The following LLGL1 variants were observed in gnomAD, a reference collection of about 807,000 sequenced individuals.
The protein encoded by LLGL1 is LLGL scribble cell polarity complex component 1, also known as lethal(2) giant larvae protein homolog 1.
LLGL1 carries 58 observed loss-of-function variants against 110.6 expected under a neutral mutation model. The observed-to-expected ratio is 0.52, with a 90% confidence interval of 0.42 to 0.65. The LOEUF is 0.65. LLGL1 is among the 30% of genes least tolerant of loss of function. The probability of loss-of-function intolerance (pLI) is 0.00; values close to 1 mark genes in which losing one functional copy is unlikely to be tolerated. For missense variants in LLGL1, 1,229 were observed against 1,462.1 expected, an observed-to-expected ratio of 0.84 and a Z score of 2.60; for synonymous variants, 674 against 607.2, an observed-to-expected ratio of 1.11 and a Z score of -1.62.
At chr17:18,234,502 G>A in intron 7 of LLGL1, 94 bp downstream of exon 7, 1 of 1,579,590 alleles carries the variant, frequency 6.3e-7, no homozygotes. Context: ...TCCCCGAGGG[G>A]GTGGTCTGGG....
At position 18,227,929 on chromosome 17, in the gene LLGL1, G is replaced by T. The variant is rs1306889249; in HGVS notation, c.82-2012G>T. Among the ~76,000 whole-genome samples the T allele has an allele frequency of 5.3e-5, 8 of 152,152 alleles. No individual in the cohort carries two copies. In the East Asian group the frequency reaches 1.5e-3, roughly 29 times the overall value. On this transcript the variant is annotated intron_variant, in intron 1 of 22. Transcript: ENST00000316843. ...AGGCCCCTGATTCCTGAGCTTAGGG[G>T]GTGGGAGACAGGTCAGGAGTGAGCA... is the stretch of plus-strand genomic sequence containing the variant.
chr17:18,234,359 T>C lies in LLGL1; in HGVS notation c.801T>C (p.Asp267=), dbSNP rs374594616. The part of the protein sequence containing the change: ...SDGSYAVWSV[D]AGSFPTLQPT... ...GCAGCTATGCTGTCTGGTCTGTGGATGCCGGCAGCTTCCCAACGCTGCAGC... is the reference window on the plus strand; with the variant it reads ...GCAGCTATGCTGTCTGGTCTGTGGACGCCGGCAGCTTCCCAACGCTGCAGC... The change falls in exon 7 of 23, where the codon GAT becomes GAC. Residue 267 remains aspartate (D), a synonymous_variant. Coordinates refer to ENST00000316843, the MANE Select transcript of LLGL1 (RefSeq NM_004140.4). The C allele has an allele frequency of 2.3e-4, 374 of 1,612,056 alleles. No homozygotes were observed. Among genetic ancestry groups the C allele is most frequent in the Non-Finnish European group, 3.0e-4 (359 of 1,179,758 alleles).
At chr17:18,230,439 T>C (rs1039648854) in intron 2 of LLGL1, among the ~76,000 whole-genome samples, 8 of 152,112 alleles carry the variant, frequency 5.3e-5, no homozygotes, top group Admixed American at 2.0e-4. Context: ...TGTGTGAATG[T>C]GAAGACACAT....
At chr17:18,236,487 T>G in intron 11 of LLGL1, 120 bp from the exon 12 acceptor site, 1 of 980,930 alleles carries the variant, frequency 1.0e-6, no homozygotes, top group Non-Finnish European at 1.5e-6. Context: ...AAAAGTAGGA[T>G]TCCGGTCAGT....
At chr17:18,237,918 C>T in intron 14 of LLGL1, 145 bp downstream of exon 14, 1 of 1,272,650 alleles carries the variant, frequency 7.9e-7, no homozygotes, top group East Asian at 2.5e-5. Flanking sequence ...CCAAGAAGGA[C>T]ATTCTCAGTA....
chr17:18,229,224 G>A (rs2047516276), intron 1 of LLGL1, among the ~76,000 whole-genome samples: 2 of 152,018 alleles, frequency 1.3e-5, no homozygotes, highest in African/African-American at 4.8e-5. Flanking sequence ...GCAGGGGAGC[G>A]GGTGGGGAGC....
chr17:18,231,982 T>A (rs566945734), intron 2 of LLGL1, among the ~76,000 whole-genome samples: 1 of 152,296 alleles, frequency 6.6e-6, no homozygotes, highest in East Asian at 1.9e-4. Context: ...TACCCATGGC[T>A]GAAGTTTGGC....
Position 18,234,300 on chromosome 17 carries a change from G to C in LLGL1, c.742G>C (p.Asp248His). 1 of 1,608,138 alleles carries C rather than the reference G, an allele frequency of 6.2e-7. No individual in the cohort carries two copies. The highest frequency in any genetic ancestry group is 8.5e-7 in the Non-Finnish European group (1 of 1,177,510). ...GCTGGAGAGCCTATGCTGGGGGCGT[G>C]ATAGCAGCACTGTGGTCAGCTCACA... ...QQLESLCWGRDSSTVVSSHSD... is the reference protein window; with the variant it reads ...QQLESLCWGRHSSTVVSSHSD... The change falls in exon 7 of 23, where the codon GAT (aspartate) becomes CAT (histidine). Residue 248 changes from aspartate to histidine, a missense_variant. Transcript: ENST00000316843.
Position 18,244,745 on chromosome 17 carries a change from G to GGGGGGGGGGA in LLGL1, c.*840_*841insGGGGGGGGAG, listed in dbSNP as rs2047961474. On this transcript the variant is annotated 3_prime_UTR_variant, in exon 23 of 23. Coordinates refer to ENST00000316843, the MANE Select transcript of LLGL1 (RefSeq NM_004140.4). ...GGCGGGGGGGGGGGGCAGGGGGGGG[G>GGGGGGGGGGA]GTCAAGATGAGTTTCCCTGTAGATT... 1 of 141,904 alleles carries GGGGGGGGGGA rather than the reference G, an allele frequency of 7.0e-6. No individual in the cohort carries two copies. Among genetic ancestry groups the GGGGGGGGGGA allele is most frequent in the Admixed American group, 7.7e-5 (1 of 12,970 alleles). 8.8% of individuals were successfully genotyped at this position (141,904 alleles called of 1,614,324 possible). A position where few individuals can be genotyped will look rare whatever the true frequency, so the allele number is the denominator to read the frequency against.
At chr17:18,225,808 A>G (rs1049106399) in intron 1 of LLGL1, 45 bp downstream of exon 1, 1 of 447,402 alleles carries the variant, frequency 2.2e-6, no homozygotes, top group African/African-American at 2.3e-5. Flanking sequence ...AGGGGGCGGG[A>G]CGGGGGCCTG....
intron 20 of LLGL1, 72 bp downstream of exon 20, chr17:18,242,350 A>T (rs1400114831): frequency 6.4e-7 from 1 of 1,551,110 alleles, no homozygotes; most frequent in East Asian, 2.2e-5. Context: ...GGACTCACAT[A>T]GCTCAGGGAT....
rs1420051865 is a variant in LLGL1, at chr17:18,235,451, C to T, written c.1285-19C>T. The stretch of plus-strand genomic sequence containing the variant: ...GTTCGTCCTAACCTTGTGCATACAT[C>T]TCTGCCACCCCCTCCCAGAGCTGGC... On this transcript the variant is annotated intron_variant, in intron 10 of 22. Coordinates refer to ENST00000316843, the MANE Select transcript of LLGL1 (RefSeq NM_004140.4). The T allele has an allele frequency of 3.1e-6, 5 of 1,613,872 alleles. No individual in the cohort carries two copies. Among genetic ancestry groups the T allele is most frequent in the Admixed American group, 1.7e-5 (1 of 59,996 alleles).
rs940190734 is a variant in LLGL1 at position 18,232,571 on chromosome 17, G to A, written c.256G>A (p.Gly86Ser). ...TGTCACACAGATGCACTTCTTGACC[G>A]GCCAGGTGAGCCTCTGCTTCCCACT... is the stretch of plus-strand genomic sequence containing the variant. Reference protein sequence around the residue: ...ATVTQMHFLTGQGRLLSLLDD... With the variant: ...ATVTQMHFLTSQGRLLSLLDD... Residue 86 changes from glycine (G) to serine (S), a missense_variant, in exon 3 of 23, where the codon GGC becomes AGC. Gly to Ser is a moderately conservative substitution (Grantham distance 56). Transcript: ENST00000316843. The A allele has an allele frequency of 1.5e-5, 25 of 1,613,936 alleles. No homozygotes were observed. Among genetic ancestry groups the A allele is most frequent in the Middle Eastern group, 1.6e-4 (1 of 6,084 alleles).
rs764819010 is a variant in LLGL1 at position 18,241,503 on chromosome 17, A to G, written c.2555A>G (p.His852Arg). The stretch of plus-strand genomic sequence containing the variant: ...AAGACCAAGTTCAAGCTGACGGCCC[A>G]TGAGGGCTGTCGTGTGCGCAAGGTG... ...SAKTKFKLTA[H>R]EGCRVRKVAL... Residue 852 changes from histidine to arginine, a missense_variant, in exon 18 of 23, where the codon CAT (histidine) becomes CGT (arginine). Coordinates refer to ENST00000316843, the MANE Select transcript of LLGL1 (RefSeq NM_004140.4). 1 of 1,613,858 alleles carries G rather than the reference A, an allele frequency of 6.2e-7. No homozygotes were observed. Among genetic ancestry groups the G allele is most frequent in the Admixed American group, 1.7e-5 (1 of 60,016 alleles).
At position 18,237,020 on chromosome 17, in the gene LLGL1, G is replaced by T. The variant is rs533531195; in HGVS notation, c.1611+81G>T. On this transcript the variant is annotated intron_variant, in intron 13 of 22. Transcript: ENST00000316843. ...TGAGCTGGAGGGTCTGGTGGAAAGG[G>T]AGATGGACTGGCACAGGCAAAAGCC... 6.3e-5 allele frequency: 79 copies of T among 1,249,484 alleles called. No individual in the cohort carries two copies. In the African/African-American group the frequency reaches 1.1e-3, roughly 17 times the overall value. The allele number at this position is 1,249,484 out of a possible 1,614,324, so 77.4% of individuals were successfully genotyped here.
intron 13 of LLGL1, 67 bp downstream of exon 13, chr17:18,237,006 G>T (rs1456715832): frequency 4.4e-6 from 6 of 1,359,856 alleles, no homozygotes; most frequent in Non-Finnish European, 6.2e-6. Context: ...GAGCTGGAGG[G>T]TCTGGTGGAA....
At position 18,242,185 on chromosome 17, in the gene LLGL1, C is replaced by G; in HGVS notation, c.2902C>G (p.Pro968Ala). The change falls in exon 20 of 23, where the codon CCC becomes GCC. Residue 968 changes from proline (P) to alanine (A), a missense_variant. By Grantham distance (27) the Pro-to-Ala change is conservative. Transcript: ENST00000316843. Reference protein sequence around the residue: ...TQASYRIRESPKLSQANGTPS... With the variant: ...TQASYRIRESAKLSQANGTPS... Reference sequence around the variant, plus strand: ...CTGCAGTTACAGGATCCGAGAGTCACCCAAGCTGAGCCAGGCTAACGGGAC... The same window carrying G: ...CTGCAGTTACAGGATCCGAGAGTCAGCCAAGCTGAGCCAGGCTAACGGGAC... 2.5e-6 allele frequency: 4 copies of G among 1,614,010 alleles called. No homozygotes were observed. The highest frequency in any genetic ancestry group is 2.5e-6 in the Non-Finnish European group (3 of 1,179,944).
intron 1 of LLGL1, among the ~76,000 whole-genome samples, chr17:18,229,166 C>T (rs750693766): frequency 6.6e-6 from 1 of 152,122 alleles, no homozygotes; most frequent in Non-Finnish European, 1.5e-5. Flanking sequence ...AGGGCACAGC[C>T]AGGCCAAAGA....
chr17:18,242,878 C>T, intron 22 of LLGL1, 56 bp downstream of exon 22: 2 of 1,464,072 alleles, frequency 1.4e-6, no homozygotes, highest in Non-Finnish European at 1.8e-6. Flanking sequence ...CCCCCTTCAG[C>T]CCGTCTGGGT....
Sources: allele counts gnomAD v4.1 joint callset (sites outside exome capture counted in the v4.1 genomes callset), GRCh38; gene constraint gnomAD v4.1.1; transcripts MANE v1.5; gene names NCBI Gene and HGNC (gene_info 2026-07-23, HGNC 2026-07-21).